Variants in CNTNAP2 observed in about 807,000 individuals in gnomAD.
CNTNAP2 encodes the protein contactin associated protein 2.
In CNTNAP2, 98 loss-of-function variants were observed where a neutral mutation model predicts 155.2. The observed-to-expected ratio is 0.63, with a 90% confidence interval of 0.54 to 0.75. The LOEUF is 0.75. Ranked by LOEUF, CNTNAP2 falls within the 30% of genes least tolerant of loss-of-function variation. The pLI, the probability that CNTNAP2 is intolerant of heterozygous loss-of-function variation, is 0.00. For synonymous variants in CNTNAP2, 651 were observed against 631.2 expected, an observed-to-expected ratio of 1.03 and a Z score of -0.47; for missense variants, 1,727 against 1,688.1, an observed-to-expected ratio of 1.02 and a Z score of -0.40.
At chr7:147,296,600 C>T (rs1805451226) in intron 8 of CNTNAP2, among the ~76,000 whole-genome samples, 1 of 152,142 alleles carries the variant, frequency 6.6e-6, no homozygotes, top group Non-Finnish European at 1.5e-5. Context: ...TTGTCAGAAA[C>T]AGAACTTGGA....
chr7:146,982,316 T>C (rs1798032804), intron 3 of CNTNAP2, among the ~76,000 whole-genome samples: 1 of 152,110 alleles, frequency 6.6e-6, no homozygotes, highest in East Asian at 1.9e-4. Flanking sequence ...ATATATAATA[T>C]ATAAGATCAT....
At chr7:146,289,630 A>G (rs1052600428) in intron 1 of CNTNAP2, among the ~76,000 whole-genome samples, 10 of 152,216 alleles carry the variant, frequency 6.6e-5, no homozygotes, top group African/African-American at 1.2e-4. Context: ...ATTATTAAAT[A>G]TGAGCGATTT....
chr7:146,996,592 A>G (rs1798311923), intron 3 of CNTNAP2, among the ~76,000 whole-genome samples: 1 of 152,110 alleles, frequency 6.6e-6, no homozygotes, highest in South Asian at 2.1e-4. Flanking sequence ...TGTGTTTGTT[A>G]GTTCCGACAA....
intron 10 of CNTNAP2, among the ~76,000 whole-genome samples, chr7:147,458,390 G>T (rs1797959455): frequency 6.6e-6 from 1 of 151,996 alleles, no homozygotes; most frequent in Non-Finnish European, 1.5e-5. Context: ...ACAAGCAAAA[G>T]TCTACTTATT....
chr7:148,363,014 T>G (rs2116621371), intron 21 of CNTNAP2, among the ~76,000 whole-genome samples: 1 of 152,284 alleles, frequency 6.6e-6, no homozygotes, highest in South Asian at 2.1e-4. Context: ...GAGTTTCGCT[T>G]TTTGTTGCCC....
chr7:146,252,396 A>G (rs979012044), intron 1 of CNTNAP2, among the ~76,000 whole-genome samples: 1 of 152,190 alleles, frequency 6.6e-6, no homozygotes, highest in Non-Finnish European at 1.5e-5. Context: ...GGACAGAGAG[A>G]GGCCTGTCTC....
At chr7:148,405,389 G>A (rs182238811) in intron 22 of CNTNAP2, among the ~76,000 whole-genome samples, 130 of 143,522 alleles carry the variant, frequency 9.1e-4, no homozygotes, top group Non-Finnish European at 1.5e-3. Flanking sequence ...GTTTTTATCC[G>A]TAACCTCAAG....
At chr7:147,195,419 C>A (rs1023755656) in intron 8 of CNTNAP2, among the ~76,000 whole-genome samples, 1 of 152,038 alleles carries the variant, frequency 6.6e-6, no homozygotes, top group African/African-American at 2.4e-5. Context: ...TCTTTGATTC[C>A]ATATGAAATT....
chr7:146,875,955 A>C (rs13238925), intron 3 of CNTNAP2, among the ~76,000 whole-genome samples: 16,946 of 138,982 alleles, frequency 0.12, 1,194 homozygotes, highest in Admixed American at 0.15. Flanking sequence ...AAAAAAAAAA[A>C]AAAAAACAAA....
At chr7:148,163,251 A>C (rs997859982) in intron 17 of CNTNAP2, among the ~76,000 whole-genome samples, 1 of 152,226 alleles carries the variant, frequency 6.6e-6, no homozygotes, top group Admixed American at 6.5e-5. Flanking sequence ...TATGACAGCA[A>C]ATGAATTAAC....
At chr7:146,475,183 G>A (rs2129127411) in intron 1 of CNTNAP2, among the ~76,000 whole-genome samples, 1 of 152,304 alleles carries the variant, frequency 6.6e-6, no homozygotes, top group East Asian at 1.9e-4. Flanking sequence ...ACATGATGAT[G>A]TGATTCTAAT....
chr7:147,760,379 T>C (rs1406283209), intron 13 of CNTNAP2, among the ~76,000 whole-genome samples: 1 of 152,348 alleles, frequency 6.6e-6, no homozygotes, highest in Middle Eastern at 3.4e-3. Context: ...CTCCCTCTTC[T>C]GCTCTCAGCA....
At chr7:146,629,413 A>G (rs1446366344) in intron 1 of CNTNAP2, among the ~76,000 whole-genome samples, 3 of 152,202 alleles carry the variant, frequency 2.0e-5, no homozygotes, top group African/African-American at 7.2e-5. Flanking sequence ...TCCATTAAAA[A>G]TGCTATAACT....
At chr7:146,856,281 G>GATAC (rs1794982956) in intron 3 of CNTNAP2, among the ~76,000 whole-genome samples, 2 of 139,076 alleles carry the variant, frequency 1.4e-5, no homozygotes, top group South Asian at 2.3e-4. Flanking sequence ...TAGATAGATA[G>GATAC]ATAGATAGAT....
rs1027567229 is a variant in CNTNAP2, at chr7:147,512,199, G to A, written c.1777+26158G>A. ...ATCGCCGTGCCCACACATCTCATAC[G>A]TGCATGCACTCATGTATTACTAATT... On this transcript the variant is annotated intron_variant, in intron 11 of 23. Transcript: ENST00000361727. Among the ~76,000 whole-genome samples the A allele has an allele frequency of 5.9e-5, 9 of 152,238 alleles. No homozygotes were observed. The South Asian group carries it at 1.7e-3, about 28-fold the overall frequency.
intron 1 of CNTNAP2, among the ~76,000 whole-genome samples, chr7:146,738,334 T>C (rs976072526): frequency 5.3e-5 from 8 of 152,090 alleles, no homozygotes; most frequent in Non-Finnish European, 1.0e-4. Context: ...CCTATTCAGA[T>C]ATTTTGCCCA....
chr7:146,779,116 C>A (rs1454634125), intron 2 of CNTNAP2, among the ~76,000 whole-genome samples: 2 of 152,152 alleles, frequency 1.3e-5, no homozygotes, highest in Admixed American at 1.3e-4. Flanking sequence ...CACTCACAGG[C>A]TCTTTCAGAC....
At chr7:147,107,066 CCG>C (rs1800780200) in intron 4 of CNTNAP2, among the ~76,000 whole-genome samples, 1 of 152,106 alleles carries the variant, frequency 6.6e-6, no homozygotes. Flanking sequence ...TAGAGCTGTT[CCG>C]TTTGACTAGG....
chr7:148,196,357 C>G (rs2116724716), intron 18 of CNTNAP2, among the ~76,000 whole-genome samples: 1 of 152,226 alleles, frequency 6.6e-6, no homozygotes, highest in South Asian at 2.1e-4. Flanking sequence ...CTTGTGTAGT[C>G]AGGGATAGAA....
Sources: gnomAD v4.1 joint callset for allele counts (sites outside exome capture counted in the v4.1 genomes callset) on GRCh38, gnomAD v4.1.1 for gene constraint, MANE v1.5 for transcripts, NCBI Gene and HGNC (gene_info 2026-07-23, HGNC 2026-07-21) for gene names.